TRIM24: variants seen among roughly 807,000 people sequenced by gnomAD.
TRIM24 encodes transcription intermediary factor 1-alpha.
In TRIM24, 29 loss-of-function variants were observed where a neutral mutation model predicts 123.9. The ratio of observed to expected loss-of-function variants is 0.23; its 90% CI spans 0.17 to 0.32. The LOEUF is 0.32. TRIM24 is among the 10% of genes least tolerant of loss of function. The pLI, the probability that TRIM24 is intolerant of heterozygous loss-of-function variation, is 1.00. For missense variants in TRIM24, 932 were observed against 1,295.3 expected (o/e 0.72, Z 4.31); for synonymous variants, 456 against 461.1 (o/e 0.99, Z 0.14).
intron 1 of TRIM24, among the ~76,000 whole-genome samples, chr7:138,485,771 C>T (rs1795632277): frequency 1.3e-5 from 2 of 152,138 alleles, no homozygotes; most frequent in Non-Finnish European, 2.9e-5. Context: ...TTCCAAGTCT[C>T]TCCTGTTGTC....
chr7:138,551,674 A>G (rs1797216182), intron 8 of TRIM24, among the ~76,000 whole-genome samples: 2 of 152,148 alleles, frequency 1.3e-5, no homozygotes, highest in Non-Finnish European at 1.5e-5. Context: ...GTCCTGTCCT[A>G]TTCCCTTAAC....
chr7:138,516,563 C>T (rs28775371), intron 3 of TRIM24, among the ~76,000 whole-genome samples: 1 of 152,038 alleles, frequency 6.6e-6, no homozygotes, highest in Non-Finnish European at 1.5e-5. Flanking sequence ...CCATGTTGGC[C>T]AGGCTGGTCT....
intron 2 of TRIM24, among the ~76,000 whole-genome samples, chr7:138,508,708 C>CGTGTGTGCGTGTGCGT (rs1796214549): frequency 2.9e-5 from 4 of 136,194 alleles, no homozygotes; most frequent in East Asian, 2.5e-4. Context: ...CGCGTGTGTG[C>CGTGTGTGCGTGTGCGT]GTGTGTGTGT....
At chr7:138,543,836 T>C (rs116335271) in intron 7 of TRIM24, among the ~76,000 whole-genome samples, 2,840 of 152,198 alleles carry the variant, frequency 0.019, 67 homozygotes, top group African/African-American at 0.054. Context: ...TTTCTGTTTT[T>C]TTTGTTGTTG....
chr7:138,463,989 C>CATTTTTTTTTTTTT (rs1554429651), intron 1 of TRIM24, among the ~76,000 whole-genome samples: 12 of 50,760 alleles, frequency 2.4e-4, no homozygotes, highest in African/African-American at 8.2e-4. Context: ...AAAATTTAGA[C>CATTTTTTTTTTTTT]TTTTTTTTTT....
chr7:138,538,025 T>C (rs923188160), intron 6 of TRIM24, among the ~76,000 whole-genome samples: 2 of 152,240 alleles, frequency 1.3e-5, no homozygotes, highest in Non-Finnish European at 2.9e-5. Context: ...GGAAAGCACA[T>C]ACATACCTCC....
chr7:138,495,874 TC>T (rs1179037409), intron 1 of TRIM24, among the ~76,000 whole-genome samples: 1 of 152,240 alleles, frequency 6.6e-6, no homozygotes, highest in East Asian at 1.9e-4. Flanking sequence ...TCTCAGTCCA[TC>T]CTTTTGAGAC....
At chr7:138,549,389 A>G (rs1426376741) in intron 7 of TRIM24, among the ~76,000 whole-genome samples, 1 of 152,202 alleles carries the variant, frequency 6.6e-6, no homozygotes. Context: ...GAGATTGTGC[A>G]CTGCCAAGAA....
chr7:138,551,426 A>G (rs549458610), intron 8 of TRIM24, among the ~76,000 whole-genome samples: 13 of 152,330 alleles, frequency 8.5e-5, no homozygotes, highest in South Asian at 6.2e-4. Context: ...ACATGCCTGT[A>G]GTCCCAGCTA....
intron 12 of TRIM24, among the ~76,000 whole-genome samples, chr7:138,575,061 C>T (rs1281932029): frequency 6.6e-6 from 1 of 151,988 alleles, no homozygotes; most frequent in East Asian, 1.9e-4. Context: ...TCAGACAATG[C>T]TTATGTAGAG....
chr7:138,538,225 G>T (rs999097357), intron 6 of TRIM24, among the ~76,000 whole-genome samples: 3 of 152,142 alleles, frequency 2.0e-5, no homozygotes, highest in Non-Finnish European at 2.9e-5. Flanking sequence ...CAAACTACTT[G>T]CAATTCCAAC....
At chr7:138,535,926 T>A (rs1796861205) in intron 6 of TRIM24, among the ~76,000 whole-genome samples, 1 of 152,192 alleles carries the variant, frequency 6.6e-6, no homozygotes. Flanking sequence ...TTTTTACTCT[T>A]TTTTCTCTAA....
At chr7:138,508,523 C>A (rs1796197397) in intron 2 of TRIM24, among the ~76,000 whole-genome samples, 2 of 152,052 alleles carry the variant, frequency 1.3e-5, no homozygotes, top group Non-Finnish European at 2.9e-5. Context: ...AGAAAGCTTC[C>A]TTCATCAATT....
chr7:138,527,258 T>A (rs1796629849), intron 5 of TRIM24, among the ~76,000 whole-genome samples: 1 of 152,154 alleles, frequency 6.6e-6, no homozygotes, highest in Non-Finnish European at 1.5e-5. Flanking sequence ...AATTTCTTCT[T>A]TTATTTTTAT....
intron 9 of TRIM24, among the ~76,000 whole-genome samples, chr7:138,566,163 T>C (rs555255358): frequency 6.6e-6 from 1 of 152,194 alleles, no homozygotes; most frequent in Non-Finnish European, 1.5e-5. Context: ...TCATTTGTGA[T>C]TCCTTCACCC....
chr7:138,545,269 A>C (rs554675455), intron 7 of TRIM24, among the ~76,000 whole-genome samples: 144 of 152,256 alleles, frequency 9.5e-4, no homozygotes, highest in African/African-American at 3.4e-3. Context: ...ATGGTGACTG[A>C]GGTCACTGCA....
chr7:138,462,876 A>G (rs9655908), intron 1 of TRIM24, among the ~76,000 whole-genome samples: 3,558 of 144,956 alleles, frequency 0.025, 129 homozygotes, highest in African/African-American at 0.081. Flanking sequence ...TTATTTATTT[A>G]TTTTTTTTTT....
In TRIM24 at chr7:138,490,932, G is replaced by GT. The variant is rs1194972049; in HGVS notation, c.365-13351dup. On this transcript the variant is annotated intron_variant, in intron 1 of 18. Transcript: ENST00000343526. ...AGAGATCTTCCGTATCTGATTGTTG[G>GT]TTTTTTTAGTAAAACCAATACAGAA... The GT allele has an allele frequency of 2.2e-5, 8 of 365,778 alleles. No individual in the cohort carries two copies. In the East Asian group the frequency reaches 2.3e-4, roughly 10 times the overall value. 22.7% of individuals were successfully genotyped at this position (365,778 alleles called of 1,614,324 possible).
chr7:138,536,589 A>C (rs904170250), intron 6 of TRIM24, among the ~76,000 whole-genome samples: 3 of 152,206 alleles, frequency 2.0e-5, no homozygotes, highest in Non-Finnish European at 2.9e-5. Context: ...TTTGTCCCAG[A>C]GGGGTACCCG....
Sources: gnomAD v4.1 joint callset for allele counts (sites outside exome capture counted in the v4.1 genomes callset) on GRCh38, gnomAD v4.1.1 for gene constraint, MANE v1.5 for transcripts, NCBI Gene and HGNC (gene_info 2026-07-23, HGNC 2026-07-21) for gene names.